Variants in PM20D2 observed in about 807,000 individuals in gnomAD.
PM20D2 encodes the protein xaa-Arg dipeptidase.
PM20D2 carries 33 observed loss-of-function variants against 42.9 expected under a neutral mutation model. The observed-to-expected ratio is 0.77, with a 90% CI of 0.58 to 1.03. The LOEUF (loss-of-function observed/expected upper bound fraction) is 1.03. Among genes scored for constraint, PM20D2 ranks in the 50% least tolerant of loss-of-function variants. The pLI, the probability that PM20D2 is intolerant of heterozygous loss-of-function variation, is 0.00. For synonymous variants in PM20D2, 250 were observed against 228.2 expected (o/e 1.10, Z -0.86); for missense variants, 548 against 557.0 (o/e 0.98, Z 0.16).
chr6:89,125,518 T>G, the PM20D2 span, among the ~76,000 whole-genome samples: 1 of 151,332 alleles, frequency 6.6e-6, no homozygotes, highest in East Asian at 1.9e-4. Context: ...CAGTGGCTCA[T>G]GCCTGTAACC....
the PM20D2 span, among the ~76,000 whole-genome samples, chr6:89,114,559 G>A: frequency 6.6e-6 from 1 of 151,696 alleles, no homozygotes; most frequent in East Asian, 1.9e-4. Flanking sequence ...TTTCATTCAT[G>A]TAATATAATC....
In PM20D2 at chr6:89,162,378, G is replaced by C; in HGVS notation, c.*115G>C. 7.4e-6 allele frequency: 8 copies of C among 1,075,416 alleles called. No individual in the cohort carries two copies. The highest frequency in any genetic ancestry group is 1.0e-5 in the Non-Finnish European group (8 of 765,644). 66.6% of individuals were successfully genotyped at this position (1,075,416 alleles called of 1,614,324 possible). On this transcript the variant is annotated 3_prime_UTR_variant, in exon 7 of 7. Coordinates refer to ENST00000275072, the MANE Select transcript of PM20D2 (RefSeq NM_001010853.3). The stretch of plus-strand genomic sequence containing the variant: ...TAAAGGAGTAAAATTCTTTTTACCT[G>C]ATAAGTGAGGACAGGGTGTGGAGAA...
At chr6:89,142,069 A>G (rs1770336442), upstream of PM20D2, among the ~76,000 whole-genome samples, 1 of 151,400 alleles carries the variant, frequency 6.6e-6, no homozygotes. Context: ...CTATCCTCCC[A>G]CCTCAGCCTC....
intron 5 of PM20D2, among the ~76,000 whole-genome samples, chr6:89,161,114 G>A (rs1347274225): frequency 6.6e-6 from 1 of 152,204 alleles, no homozygotes; most frequent in Non-Finnish European, 1.5e-5. Context: ...AGAGCGTTAG[G>A]ATTCTGAGAT....
chr6:89,144,275 T>G (rs1770442471), upstream of PM20D2, among the ~76,000 whole-genome samples: 1 of 149,496 alleles, frequency 6.7e-6, no homozygotes, highest in African/African-American at 2.5e-5. Flanking sequence ...AAATAGCAGC[T>G]TCTATATGAA....
chr6:89,098,294 G>A, the PM20D2 span: 2 of 271,738 alleles, frequency 7.4e-6, no homozygotes, highest in Non-Finnish European at 1.4e-5. Context: ...TTAAAAATTA[G>A]TTCCAGTTTA....
the PM20D2 span, among the ~76,000 whole-genome samples, chr6:89,108,954 T>C: frequency 1.3e-5 from 2 of 152,240 alleles, no homozygotes; most frequent in African/African-American, 2.4e-5. Flanking sequence ...TTAACACTCA[T>C]AGAACATGTT....
chr6:89,146,754 C>T (rs1038137715), intron 1 of PM20D2, 145 bp downstream of exon 1: 6 of 642,604 alleles, frequency 9.3e-6, no homozygotes, highest in Non-Finnish European at 1.4e-5. Context: ...AACCTGCGGT[C>T]CTCGCCTCGG....
At chr6:89,110,901 A>G in the PM20D2 span, among the ~76,000 whole-genome samples, 9,540 of 152,112 alleles carry the variant, frequency 0.063, 870 homozygotes, top group African/African-American at 0.2. Flanking sequence ...GGACTACTTG[A>G]GCCCAGGAGT....
the PM20D2 span, among the ~76,000 whole-genome samples, chr6:89,107,821 A>T: frequency 6.6e-6 from 1 of 152,168 alleles, no homozygotes; most frequent in Non-Finnish European, 1.5e-5. Context: ...TATGGATTAG[A>T]GGCTGGAAAT....
chr6:89,104,821 G>C, the PM20D2 span, among the ~76,000 whole-genome samples: 1 of 152,150 alleles, frequency 6.6e-6, no homozygotes, highest in Non-Finnish European at 1.5e-5. Context: ...GGGAGCCTGA[G>C]GTGGGAGGAA....
chr6:89,145,990 G>C (rs1770519247), upstream of PM20D2: 6 of 568,566 alleles, frequency 1.1e-5, no homozygotes, highest in Non-Finnish European at 1.6e-5. Flanking sequence ...GGCGCCGGGG[G>C]CGGCCCCGGG....
At chr6:89,132,102 C>T in the PM20D2 span, among the ~76,000 whole-genome samples, 1 of 152,140 alleles carries the variant, frequency 6.6e-6, no homozygotes, top group African/African-American at 2.4e-5. Flanking sequence ...AGAACCAACT[C>T]AATCCTGAAG....
At chr6:89,158,147 G>A (rs980051891) in intron 4 of PM20D2, among the ~76,000 whole-genome samples, 178 bp from the exon 5 acceptor site, 22 of 152,110 alleles carry the variant, frequency 1.4e-4, no homozygotes, top group African/African-American at 2.2e-4. Context: ...AGGAACTCTC[G>A]TTATAGAAAA....
At chr6:89,105,043 G>C in the PM20D2 span, 1 of 1,361,528 alleles carries the variant, frequency 7.3e-7, no homozygotes, top group Non-Finnish European at 9.7e-7. Context: ...GGGAAACAAT[G>C]AGACCCTATC....
upstream of PM20D2, among the ~76,000 whole-genome samples, chr6:89,141,554 T>A (rs1284025402): frequency 6.6e-6 from 1 of 151,976 alleles, no homozygotes; most frequent in Non-Finnish European, 1.5e-5. Flanking sequence ...TTAGTAGAGA[T>A]GAGGTTTCAC....
chr6:89,127,061 C>T, the PM20D2 span, among the ~76,000 whole-genome samples: 2 of 152,280 alleles, frequency 1.3e-5, no homozygotes, highest in South Asian at 2.1e-4. Context: ...CCTAATTGGT[C>T]ACCTTTGGAT....
the PM20D2 span, among the ~76,000 whole-genome samples, chr6:89,137,664 C>A: frequency 6.6e-6 from 1 of 152,286 alleles, no homozygotes; most frequent in African/African-American, 2.4e-5. Context: ...GCTAAAAATG[C>A]ATATTACAAT....
chr6:89,154,820 C>T lies in PM20D2; in HGVS notation c.830C>T (p.Ala277Val), dbSNP rs756665835. 5.6e-6 allele frequency: 9 copies of T among 1,609,072 alleles called. No individual in the cohort carries two copies. Among genetic ancestry groups the T allele is most frequent in the Non-Finnish European group, 7.6e-6 (9 of 1,177,748 alleles). The change falls in exon 4 of 7, where the codon GCA becomes GTA. Residue 277 changes from alanine (A) to valine (V), a missense_variant. Around this residue, in one of 3 missense-constraint regions of PM20D2, gnomAD observed 470 missense variants for 464.4 expected, o/e 1.01. Coordinates refer to ENST00000275072, the MANE Select transcript of PM20D2 (RefSeq NM_001010853.3). ...TCTGAATTAATCTATTACTTCCGTG[C>T]ACCCTCAATGAAAGAACTTCAAGTT... ...SYSELIYYFR[A>V]PSMKELQVLT...
Sources: gnomAD v4.1 joint callset for allele counts (sites outside exome capture counted in the v4.1 genomes callset) on GRCh38, gnomAD v4.1.1 for gene constraint, gnomAD v4.1.1 regional missense constraint, MANE v1.5 for transcripts, NCBI Gene and HGNC (gene_info 2026-07-23, HGNC 2026-07-21) for gene names.